The following PIWIL1 variants were observed in gnomAD, a reference collection of about 807,000 sequenced individuals.
The protein encoded by PIWIL1 is piwi like RNA-mediated gene silencing 1.
Under a neutral mutation model 114.4 loss-of-function variants are expected in PIWIL1, and 73 were observed. The ratio of observed to expected loss-of-function variants is 0.64; its 90% CI spans 0.53 to 0.78. PIWIL1 has a LOEUF of 0.78. Among genes scored for constraint, PIWIL1 ranks in the 30% least tolerant of loss-of-function variants. The pLI is 0.00. For missense variants in PIWIL1, 723 were observed against 1,063.1 expected, an observed-to-expected ratio of 0.68 and a Z score of 4.45; for synonymous variants, 375 against 369.0, an observed-to-expected ratio of 1.02 and a Z score of -0.19.
intron 1 of PIWIL1, chr12:130,342,262 C>T (rs972284578): frequency 1.5e-5 from 5 of 325,062 alleles, no homozygotes; most frequent in African/African-American, 1.1e-4. Context: ...AACCAGCCAC[C>T]AGCATCCTAA....
At chr12:130,349,015 C>T (rs2073144943) in intron 7 of PIWIL1, among the ~76,000 whole-genome samples, 1 of 152,140 alleles carries the variant, frequency 6.6e-6, no homozygotes, top group Admixed American at 6.5e-5. Context: ...TAATGAATAG[C>T]TGAATAAAGT....
chr12:130,355,512 G>C (rs2073339917), intron 11 of PIWIL1, 41 bp from the exon 12 acceptor site: 1 of 1,380,776 alleles, frequency 7.2e-7, no homozygotes, highest in Admixed American at 1.7e-5. Context: ...TTCTTGCTGT[G>C]TCTCTTTGTT....
chr12:130,343,311 TAAA>T (rs1040168185), intron 3 of PIWIL1, among the ~76,000 whole-genome samples: 1 of 152,146 alleles, frequency 6.6e-6, no homozygotes, highest in Non-Finnish European at 1.5e-5. Context: ...ATAAATGACT[TAAA>T]AAAATGGTTA....
At chr12:130,401,924 ACAC>A in the PIWIL1 span, among the ~76,000 whole-genome samples, 10 of 152,222 alleles carry the variant, frequency 6.6e-5, no homozygotes, top group East Asian at 3.9e-4. Context: ...TGTCATGCTC[ACAC>A]CACAAGAGGC....
Position 130,367,218 on chromosome 12 carries a change from C to T in PIWIL1, c.2281C>T (p.Pro761Ser). 2 of 1,614,156 alleles carry T rather than the reference C, an allele frequency of 1.2e-6. No homozygotes were observed. The highest frequency in any genetic ancestry group is 1.7e-6 in the Non-Finnish European group (2 of 1,180,012). Residue 761 changes from proline to serine, a missense_variant, in exon 19 of 21, where the codon CCT becomes TCT. Physicochemically the swap from Pro to Ser is moderately conservative, Grantham distance 74. Coordinates refer to ENST00000245255, the MANE Select transcript of PIWIL1 (RefSeq NM_004764.5). ...QSGGRLQNPL[P>S]GTVIDVEVTR... is the part of the protein sequence containing the mutation. The stretch of plus-strand genomic sequence containing the variant: ...TGGAGGAAGACTTCAGAATCCACTT[C>T]CTGGAACAGTTATTGATGTAGAGGT...
At chr12:130,383,160 G>A in the PIWIL1 span, among the ~76,000 whole-genome samples, 14 of 152,254 alleles carry the variant, frequency 9.2e-5, no homozygotes, top group South Asian at 2.9e-3. Context: ...TTATTGAATT[G>A]GAGATGCATA....
At chr12:130,355,701 T>G (rs1383492055) in intron 12 of PIWIL1, 34 bp downstream of exon 12, 1 of 1,435,472 alleles carries the variant, frequency 7.0e-7, no homozygotes, top group Non-Finnish European at 9.8e-7. Context: ...TGTTGTTGTT[T>G]TTGAGACGGA....
At chr12:130,346,272 T>C (rs2073065661) in intron 4 of PIWIL1, 98 bp from the exon 5 acceptor site, 2 of 848,216 alleles carry the variant, frequency 2.4e-6, no homozygotes, top group Non-Finnish European at 3.7e-6. Context: ...CTCTTAGCCT[T>C]GTGTTTACGG....
chr12:130,383,380 A>G, the PIWIL1 span: 4 of 152,206 alleles, frequency 2.6e-5, no homozygotes, highest in Non-Finnish European at 5.9e-5. Flanking sequence ...AGGAGTTCCA[A>G]CAGCAAACCA....
intron 19 of PIWIL1, among the ~76,000 whole-genome samples, chr12:130,370,592 A>G (rs140066303): frequency 3.5e-4 from 54 of 152,324 alleles, no homozygotes; most frequent in African/African-American, 1.3e-3. Flanking sequence ...ATGGATGGCT[A>G]TACTTGGTTT....
chr12:130,407,351 A>T, the PIWIL1 span, among the ~76,000 whole-genome samples: 15 of 152,104 alleles, frequency 9.9e-5, no homozygotes. Context: ...CTACTGTTCT[A>T]TGTGTGGGGC....
chr12:130,348,006 C>A, intron 6 of PIWIL1, 97 bp from the exon 7 acceptor site: 1 of 732,640 alleles, frequency 1.4e-6, no homozygotes, highest in Non-Finnish European at 2.3e-6. Flanking sequence ...TGGCTACAGA[C>A]CACAATTTGC....
At chr12:130,393,281 A>G in the PIWIL1 span, among the ~76,000 whole-genome samples, 34,030 of 66,894 alleles carry the variant, frequency 0.51, 7,828 homozygotes, top group Non-Finnish European at 0.59. Context: ...CCGTCATCAC[A>G]TGTGTGCGTC....
the PIWIL1 span, among the ~76,000 whole-genome samples, chr12:130,389,619 CTTTT>C: frequency 6.6e-6 from 1 of 151,702 alleles, no homozygotes; most frequent in East Asian, 1.9e-4. Flanking sequence ...TGATTATGTT[CTTTT>C]TAATTTAAAA....
At chr12:130,403,064 G>C in the PIWIL1 span, among the ~76,000 whole-genome samples, 1 of 152,222 alleles carries the variant, frequency 6.6e-6, no homozygotes, top group East Asian at 1.9e-4. Flanking sequence ...GGATATAGCA[G>C]AACAGAGAAA....
At chr12:130,355,698 GT>G (rs1362288670) in intron 12 of PIWIL1, 31 bp downstream of exon 12, 1 of 1,458,620 alleles carries the variant, frequency 6.9e-7, no homozygotes, top group South Asian at 1.1e-5. Flanking sequence ...TGTTGTTGTT[GT>G]TTTTGAGACG....
At chr12:130,393,025 C>G in the PIWIL1 span, among the ~76,000 whole-genome samples, 1 of 129,482 alleles carries the variant, frequency 7.7e-6, no homozygotes, top group Non-Finnish European at 1.7e-5. Flanking sequence ...ATGACCCGGT[C>G]ACCGTCATCA....
chr12:130,377,146 C>T (rs965981446), downstream of PIWIL1, among the ~76,000 whole-genome samples: 50 of 152,192 alleles, frequency 3.3e-4, no homozygotes, highest in African/African-American at 1.9e-4. Flanking sequence ...ACTCATCTCC[C>T]GCTAGATGCT....
chr12:130,341,121 CT>C (rs1230619955), intron 1 of PIWIL1, among the ~76,000 whole-genome samples: 1 of 152,174 alleles, frequency 6.6e-6, no homozygotes, highest in African/African-American at 2.4e-5. Flanking sequence ...TCGCCTGCCC[CT>C]ATGTAGAACC....
Sources: gnomAD v4.1 joint callset for allele counts (sites outside exome capture counted in the v4.1 genomes callset) on GRCh38, gnomAD v4.1.1 for gene constraint, MANE v1.5 for transcripts, NCBI Gene and HGNC (gene_info 2026-07-23, HGNC 2026-07-21) for gene names.